Variants in GLRA1 observed in about 807,000 individuals in gnomAD.
The protein encoded by GLRA1 is glycine receptor alpha 1.
A neutral mutation model predicts 48.3 loss-of-function variants in GLRA1; 37 were observed. That is an observed-to-expected ratio of 0.77 (90% CI 0.59 to 1.01). The LOEUF is 1.01. Among genes scored for constraint, GLRA1 ranks in the 50% least tolerant of loss-of-function variants. The probability of loss-of-function intolerance (pLI) is 0.00; values close to 1 mark genes in which losing one functional copy is unlikely to be tolerated. For missense variants in GLRA1, 427 were observed against 571.0 expected, an observed-to-expected ratio of 0.75 and a Z score of 2.57; for synonymous variants, 196 against 210.7, an observed-to-expected ratio of 0.93 and a Z score of 0.60.
At chr5:151,842,502 T>A (rs1382455198) in intron 7 of GLRA1, among the ~76,000 whole-genome samples, 1 of 152,146 alleles carries the variant, frequency 6.6e-6, no homozygotes, top group African/African-American at 2.4e-5. Context: ...AGGAAAAATA[T>A]CACATGATCC....
intron 1 of GLRA1, among the ~76,000 whole-genome samples, chr5:151,921,495 C>A (rs1016643417): frequency 1.3e-5 from 2 of 152,220 alleles, no homozygotes; most frequent in African/African-American, 4.8e-5. Context: ...ATGCCCAGGA[C>A]AACTTCCATA....
chr5:151,924,849 G>T lies in GLRA1; in HGVS notation c.-300C>A, dbSNP rs889729815. 7.8e-6 allele frequency: 4 copies of T among 512,420 alleles called. No homozygotes were observed. Among genetic ancestry groups the T allele is most frequent in the Admixed American group, 6.3e-5 (2 of 31,652 alleles). The allele number at this position is 512,420 out of a possible 1,614,324, so 31.7% of individuals were successfully genotyped here. ...AGCGTGTCTGTTGGCTCCCTGCGGC[G>T]CTGGGGAGGCACGTTTGGGGGTGGG... On this transcript the variant is annotated 5_prime_UTR_variant, in exon 1 of 9. Coordinates refer to ENST00000274576, the MANE Select transcript of GLRA1 (RefSeq NM_000171.4).
At chr5:151,852,546 C>T (rs1359617464) in intron 6 of GLRA1, among the ~76,000 whole-genome samples, 1 of 152,234 alleles carries the variant, frequency 6.6e-6, no homozygotes, top group Non-Finnish European at 1.5e-5. Flanking sequence ...ATGGTGGGAT[C>T]TTAGTTCCTG....
At chr5:151,827,027 C>CTTTTTTTT (rs1581595767) in intron 8 of GLRA1, among the ~76,000 whole-genome samples, 4 of 100,186 alleles carry the variant, frequency 4.0e-5, no homozygotes, top group South Asian at 3.7e-4. Context: ...TTCTTTCTTT[C>CTTTTTTTT]TGTTTTTTTT....
rs186624114 is a variant in GLRA1 at position 151,911,800 on chromosome 5, A to G, written c.56+12694T>C. ...TTTTTTTGTGTTTTTAGTAGAGACG[A>G]GGTTTCACCGTGTTAGCCAGGATGG... is the stretch of plus-strand genomic sequence containing the variant. On this transcript the variant is annotated intron_variant, in intron 1 of 8. Transcript: ENST00000274576. Among the ~76,000 whole-genome samples, 1,213 of 151,788 alleles carry G rather than the reference A, an allele frequency of 8.0e-3. 20 individuals carry two copies. The highest frequency in any genetic ancestry group is 0.028 in the African/African-American group (1,141 of 41,392).
intron 3 of GLRA1, 101 bp downstream of exon 3, chr5:151,886,620 C>G: frequency 1.1e-6 from 1 of 893,866 alleles, no homozygotes; most frequent in Non-Finnish European, 1.9e-6. Flanking sequence ...AAAAACCCAG[C>G]TGATTCCCCA....
At chr5:151,850,204 A>G (rs1752864209) in intron 7 of GLRA1, 3 of 1,603,746 alleles carry the variant, frequency 1.9e-6, no homozygotes, top group South Asian at 1.1e-5. Flanking sequence ...GACATCGTGG[A>G]GGCCCATTAC....
chr5:151,848,460 G>A lies in GLRA1; in HGVS notation c.912+2930C>T, dbSNP rs575177165. Among the ~76,000 whole-genome samples the A allele has an allele frequency of 8.5e-5, 13 of 152,176 alleles. No homozygotes were observed. In the South Asian group the frequency reaches 1.0e-3, roughly 12 times the overall value. ...TGGCTCACTGCAATCTCCGCCTCTC[G>A]GGTTCAGGTGATTCTCCTACCTCAG... On this transcript the variant is annotated intron_variant, in intron 7 of 8. Transcript: ENST00000274576.
intron 1 of GLRA1, among the ~76,000 whole-genome samples, chr5:151,921,898 G>A (rs1030288001): frequency 2.6e-5 from 4 of 152,186 alleles, no homozygotes; most frequent in Non-Finnish European, 4.4e-5. Context: ...CAGTTGATGA[G>A]CATGCAATGC....
intron 3 of GLRA1, among the ~76,000 whole-genome samples, chr5:151,871,587 G>C (rs1326838286): frequency 1.4e-5 from 2 of 145,216 alleles, no homozygotes; most frequent in Non-Finnish European, 3.0e-5. Context: ...TTGAGATAGA[G>C]TCTCGCTCTG....
At chr5:151,828,790 T>G (rs1470118692) in intron 8 of GLRA1, 131 bp downstream of exon 8, 20 of 964,394 alleles carry the variant, frequency 2.1e-5, no homozygotes, top group Non-Finnish European at 3.1e-5. Flanking sequence ...AGGTCTTTAA[T>G]TCCTATTTCT....
At chr5:151,886,959 A>G (rs991945493) in intron 2 of GLRA1, among the ~76,000 whole-genome samples, 171 bp from the exon 3 acceptor site, 3 of 152,114 alleles carry the variant, frequency 2.0e-5, no homozygotes, top group Non-Finnish European at 4.4e-5. Flanking sequence ...ACCATTTAAC[A>G]TCTCTATGCC....
intron 7 of GLRA1, 80 bp downstream of exon 7, chr5:151,851,310 C>A: frequency 2.2e-6 from 2 of 922,608 alleles, no homozygotes; most frequent in Non-Finnish European, 1.8e-6. Flanking sequence ...CCTTTGCTCC[C>A]CATGTTTTAG....
At chr5:151,910,936 T>C (rs1386052614) in intron 1 of GLRA1, among the ~76,000 whole-genome samples, 1 of 152,228 alleles carries the variant, frequency 6.6e-6, no homozygotes, top group Non-Finnish European at 1.5e-5. Flanking sequence ...TGTTCCTCAA[T>C]GTATCTATCC....
intron 1 of GLRA1, among the ~76,000 whole-genome samples, chr5:151,908,590 G>T (rs1264400096): frequency 6.6e-6 from 1 of 151,894 alleles, no homozygotes; most frequent in Non-Finnish European, 1.5e-5. Flanking sequence ...ACCCAGAGTA[G>T]ACCTGAGTTG....
At chr5:151,903,646 A>G (rs1319845312) in intron 1 of GLRA1, among the ~76,000 whole-genome samples, 1 of 152,208 alleles carries the variant, frequency 6.6e-6, no homozygotes, top group Non-Finnish European at 1.5e-5. Context: ...AAATTAATAA[A>G]TGTATATTAT....
chr5:151,921,185 C>G (rs952746499), intron 1 of GLRA1, among the ~76,000 whole-genome samples: 5 of 152,194 alleles, frequency 3.3e-5, no homozygotes, highest in Admixed American at 3.3e-4. Context: ...TGGTTTATCT[C>G]CCTGCCTTTA....
At chr5:151,838,050 T>C (rs943626613) in intron 7 of GLRA1, among the ~76,000 whole-genome samples, 13 of 152,312 alleles carry the variant, frequency 8.5e-5, no homozygotes, top group Non-Finnish European at 1.6e-4. Flanking sequence ...AAGCTGTCCC[T>C]GAGGAAGCCC....
At chr5:151,879,497 G>A (rs1044884294) in intron 3 of GLRA1, among the ~76,000 whole-genome samples, 3 of 152,046 alleles carry the variant, frequency 2.0e-5, no homozygotes, top group African/African-American at 7.2e-5. Context: ...GGGACTACAG[G>A]CTTGCACTAA....
Sources: gnomAD v4.1 joint callset for allele counts (sites outside exome capture counted in the v4.1 genomes callset) on GRCh38, gnomAD v4.1.1 for gene constraint, MANE v1.5 for transcripts, NCBI Gene and HGNC (gene_info 2026-07-23, HGNC 2026-07-21) for gene names.